The following MGAT4A variants were observed in gnomAD, a reference collection of about 807,000 sequenced individuals.
The protein encoded by MGAT4A is alpha-1,3-mannosyl-glycoprotein 4-beta-N-acetylglucosaminyltransferase A.
Under a neutral mutation model 74.1 loss-of-function variants are expected in MGAT4A, and 33 were observed. That is an observed-to-expected ratio of 0.45 (90% CI 0.34 to 0.60). The LOEUF is 0.60. Ranked by LOEUF, MGAT4A falls within the 20% of genes least tolerant of loss-of-function variation. The probability of loss-of-function intolerance (pLI) is 0.02; values close to 1 mark genes in which losing one functional copy is unlikely to be tolerated. For synonymous variants in MGAT4A, 198 were observed against 210.4 expected, an observed-to-expected ratio of 0.94 and a Z score of 0.51; for missense variants, 479 against 628.3, an observed-to-expected ratio of 0.76 and a Z score of 2.54.
Position 98,724,269 on chromosome 2 carries a change from T to C in MGAT4A, c.94+1970A>G, listed in dbSNP as rs561956475. On this transcript the variant is annotated intron_variant, in intron 2 of 15. Transcript: ENST00000393487. The stretch of plus-strand genomic sequence containing the variant: ...GCTTATAGAAACCACACTTTCAAAA[T>C]AAAAATCAGAGCACGTGGTTTATGG... 5.9e-5 allele frequency among the ~76,000 whole-genome samples: 9 copies of C among 152,212 alleles called. No homozygotes were observed. The East Asian group carries it at 1.7e-3, about 29-fold the overall frequency.
At chr2:98,700,174 G>C (rs1428532150) in intron 2 of MGAT4A, among the ~76,000 whole-genome samples, 7 of 151,948 alleles carry the variant, frequency 4.6e-5, no homozygotes, top group Admixed American at 1.3e-4. Flanking sequence ...ACTGTGCAGG[G>C]GCCATCTCAC....
In MGAT4A at chr2:98,677,801, ATTTTTTT is replaced by A. The variant is rs70940122; in HGVS notation, c.262+496_262+502del. On this transcript the variant is annotated intron_variant, in intron 3 of 15. Transcript: ENST00000393487. ...TAAAATCAGATTTAGCAGGTAATAA[ATTTTTTT>A]TTTTTTTTTTTTTTTGTAATTTACT... Among the ~76,000 whole-genome samples, 401 of 121,334 alleles carry A rather than the reference ATTTTTTT, an allele frequency of 3.3e-3. 3 individuals are homozygous for A. The highest frequency in any genetic ancestry group is 0.028 in the East Asian group (127 of 4,480). 79.6% of individuals were successfully genotyped at this position (121,334 alleles called of 152,430 possible).
Position 98,623,069 on chromosome 2 carries a change from T to C in MGAT4A, c.*2497A>G, listed in dbSNP as rs1053879769. Reference sequence around the variant, plus strand: ...GAAAGAGGAGGGCAGGCTGGAATAATTGGTCTCACATCCAGATGCTGACTG... The same window carrying C: ...GAAAGAGGAGGGCAGGCTGGAATAACTGGTCTCACATCCAGATGCTGACTG... On this transcript the variant is annotated 3_prime_UTR_variant, in exon 16 of 16. Coordinates refer to ENST00000393487, the MANE Select transcript of MGAT4A (RefSeq NM_012214.3). The C allele has an allele frequency of 6.1e-6, 6 of 985,334 alleles. No homozygotes were observed. The highest frequency in any genetic ancestry group is 6.1e-5 in the Admixed American group (1 of 16,262). 61.0% of individuals were successfully genotyped at this position (985,334 alleles called of 1,614,324 possible).
intron 3 of MGAT4A, among the ~76,000 whole-genome samples, chr2:98,678,054 C>T (rs1702001897): frequency 6.7e-6 from 1 of 149,640 alleles, no homozygotes; most frequent in Admixed American, 6.7e-5. Flanking sequence ...ATCGTGAAAC[C>T]CCGTCTCTAC....
At chr2:98,709,064 A>G (rs1328932964) in intron 2 of MGAT4A, among the ~76,000 whole-genome samples, 1 of 152,152 alleles carries the variant, frequency 6.6e-6, no homozygotes, top group Non-Finnish European at 1.5e-5. Context: ...TTCTGAATTC[A>G]CTTTCTAGTC....
At chr2:98,652,843 T>C (rs192788924) in intron 8 of MGAT4A, among the ~76,000 whole-genome samples, 2 of 151,880 alleles carry the variant, frequency 1.3e-5, no homozygotes, top group East Asian at 1.9e-4. Flanking sequence ...TCTTGAACTC[T>C]TGAACTCCTG....
intron 3 of MGAT4A, among the ~76,000 whole-genome samples, chr2:98,677,801 ATTTTTTTTT>A (rs70940122): frequency 2.5e-5 from 3 of 121,354 alleles, no homozygotes; most frequent in African/African-American, 9.3e-5. Flanking sequence ...CAGGTAATAA[ATTTTTTTTT>A]TTTTTTTTTT....
Position 98,703,386 on chromosome 2 carries a change from AACTGAACAG to A in MGAT4A, c.94+22844_94+22852del, listed in dbSNP as rs1157470422. On this transcript the variant is annotated intron_variant, in intron 2 of 15. Coordinates refer to ENST00000393487, the MANE Select transcript of MGAT4A (RefSeq NM_012214.3). ...AAAAAAGATTGAGGAAAACTGAACAAACTGAACAGACTGAACAGAGAGGCCCCAGAGTAT... is the reference window on the plus strand; with the variant it reads ...AAAAAAGATTGAGGAAAACTGAACAAACTGAACAGAGAGGCCCCAGAGTAT... Among the ~76,000 whole-genome samples, 10 of 152,294 alleles carry A rather than the reference AACTGAACAG, an allele frequency of 6.6e-5. No homozygotes were observed. The East Asian group carries it at 9.6e-4, about 15-fold the overall frequency.
chr2:98,697,142 A>G (rs184671496), intron 2 of MGAT4A, among the ~76,000 whole-genome samples: 1 of 152,328 alleles, frequency 6.6e-6, no homozygotes. Context: ...TAAAAGAGAG[A>G]CTAGATTTTA....
intron 2 of MGAT4A, among the ~76,000 whole-genome samples, chr2:98,683,566 T>C (rs1702091301): frequency 1.3e-5 from 2 of 152,054 alleles, no homozygotes; most frequent in South Asian, 4.2e-4. Flanking sequence ...TTTAATACAA[T>C]GATGCTTTAA....
intron 1 of MGAT4A, among the ~76,000 whole-genome samples, chr2:98,727,575 A>C (rs1702784442): frequency 6.6e-6 from 1 of 152,154 alleles, no homozygotes; most frequent in South Asian, 2.1e-4. Context: ...TAGCCTCAGG[A>C]GGTGCCACAG....
At chr2:98,644,692 GGCGC>G (rs1701459804) in intron 9 of MGAT4A, among the ~76,000 whole-genome samples, 1 of 151,686 alleles carries the variant, frequency 6.6e-6, no homozygotes, top group Non-Finnish European at 1.5e-5. Context: ...GGAATGCAGG[GGCGC>G]GATCTCAGCT....
At chr2:98,708,279 C>A (rs940928738) in intron 2 of MGAT4A, among the ~76,000 whole-genome samples, 2 of 151,970 alleles carry the variant, frequency 1.3e-5, no homozygotes, top group African/African-American at 4.8e-5. Flanking sequence ...GTGAGCACAG[C>A]TGACAACAAG....
intron 2 of MGAT4A, among the ~76,000 whole-genome samples, chr2:98,705,948 CAAAAAAAAAAAAAA>C (rs35710005): frequency 2.1e-5 from 1 of 47,510 alleles, no homozygotes; most frequent in African/African-American, 8.7e-5. Flanking sequence ...GACTCCGTCT[CAAAAAAAAAAAAAA>C]AAAAAAAAAG....
intron 9 of MGAT4A, 88 bp downstream of exon 9, chr2:98,645,340 A>T: frequency 1.0e-6 from 1 of 958,784 alleles, no homozygotes; most frequent in Non-Finnish European, 1.5e-6. Context: ...GGAAAAAAAG[A>T]CATCTTTAGG....
At chr2:98,680,579 T>C (rs565154467) in intron 2 of MGAT4A, among the ~76,000 whole-genome samples, 1 of 152,332 alleles carries the variant, frequency 6.6e-6, no homozygotes, top group Admixed American at 6.5e-5. Flanking sequence ...AGCATGTATG[T>C]CACCGTATTT....
rs375311949 is a variant in MGAT4A, at chr2:98,674,314, G to A, written c.403+721C>T. Reference sequence around the variant, plus strand: ...AGAACAAAATAATATTCTGCCCTCTGCATTTTAAAATCTACAAAGAAAAGA... The same window carrying A: ...AGAACAAAATAATATTCTGCCCTCTACATTTTAAAATCTACAAAGAAAAGA... On this transcript the variant is annotated intron_variant, in intron 4 of 15. Transcript: ENST00000393487. Among the ~76,000 whole-genome samples, 7 of 152,268 alleles carry A rather than the reference G, an allele frequency of 4.6e-5. No individual in the cohort carries two copies. The South Asian group carries it at 1.4e-3, about 31-fold the overall frequency.
intron 9 of MGAT4A, among the ~76,000 whole-genome samples, chr2:98,644,758 C>A (rs758314995): frequency 2.0e-5 from 3 of 152,012 alleles, no homozygotes; most frequent in Non-Finnish European, 4.4e-5. Flanking sequence ...CTCAGCCTCC[C>A]GGGGAGCTAG....
chr2:98,709,472 T>C (rs1480303732), intron 2 of MGAT4A, among the ~76,000 whole-genome samples: 4 of 151,800 alleles, frequency 2.6e-5, no homozygotes. Context: ...ACAAGATAAA[T>C]GCATATTATG....
Sources: gnomAD v4.1 joint callset for allele counts (sites outside exome capture counted in the v4.1 genomes callset) on GRCh38, gnomAD v4.1.1 for gene constraint, MANE v1.5 for transcripts, NCBI Gene and HGNC (gene_info 2026-07-23, HGNC 2026-07-21) for gene names.